The following LIMCH1 variants were observed in gnomAD, a reference collection of about 807,000 sequenced individuals.
LIMCH1 encodes the protein LIM and calponin homology domains-containing protein 1.
A neutral mutation model predicts 176.5 loss-of-function variants in LIMCH1; 113 were observed. The observed-to-expected ratio is 0.64, with a 90% CI of 0.55 to 0.75. The LOEUF (loss-of-function observed/expected upper bound fraction) is 0.75. Among genes scored for constraint, LIMCH1 ranks in the 30% least tolerant of loss-of-function variants. The pLI is 0.00. For missense variants in LIMCH1, 1,674 were observed against 1,814.9 expected, an observed-to-expected ratio of 0.92 and a Z score of 1.41; for synonymous variants, 619 against 645.9, an observed-to-expected ratio of 0.96 and a Z score of 0.63.
At chr4:41,483,950 T>C (rs977009317) in intron 1 of LIMCH1, among the ~76,000 whole-genome samples, 1 of 152,270 alleles carries the variant, frequency 6.6e-6, no homozygotes, top group Non-Finnish European at 1.5e-5. Context: ...CTCTGTTTTT[T>C]ACTAGTTTTG....
chr4:41,599,110 G>A (rs2089460668), intron 2 of LIMCH1, 84 bp downstream of exon 2: 7 of 790,278 alleles, frequency 8.9e-6, no homozygotes, highest in Non-Finnish European at 1.3e-5. Flanking sequence ...AGTTCTAAGA[G>A]ACAGAGAATT....
rs542886410 is a variant in LIMCH1 at position 41,620,571 on chromosome 4, C to G, written c.606C>G (p.Asp202Glu). ...GTGGTAAGGAGCACCCTTCTTCAGACGGGGCTGTGGTGGCACCAGCTCCCA... is the reference window on the plus strand; with the variant it reads ...GTGGTAAGGAGCACCCTTCTTCAGAGGGGGCTGTGGTGGCACCAGCTCCCA... ...DGSGKEHPSS[D>E]GAVVAPAPKS... The change falls in exon 7 of 32, where the codon GAC becomes GAG. Residue 202 changes from aspartate (D) to glutamate (E), a missense_variant. By Grantham distance (45) the Asp-to-Glu change is conservative. Around this residue, in one of 3 missense-constraint regions of LIMCH1, gnomAD observed 655 missense variants for 692.2 expected, o/e 0.95. Transcript: ENST00000503057. 3 of 1,536,150 alleles carry G rather than the reference C, an allele frequency of 2.0e-6. No individual in the cohort carries two copies. Among genetic ancestry groups the G allele is most frequent in the Admixed American group, 2.0e-5 (1 of 50,976 alleles).
intron 1 of LIMCH1, among the ~76,000 whole-genome samples, chr4:41,481,758 G>A (rs771263896): frequency 6.6e-6 from 1 of 152,078 alleles, no homozygotes; most frequent in Non-Finnish European, 1.5e-5. Context: ...TGGTAGTGCT[G>A]TTCATTGATA....
In LIMCH1 at chr4:41,556,615, G is replaced by A. The variant is rs73810260; in HGVS notation, c.-241+18265G>A. On this transcript the variant is annotated intron_variant, in intron 1 of 31. Coordinates refer to ENST00000503057, the MANE Select transcript of LIMCH1 (RefSeq NM_001330672.2). ...ATTATATTACGCCTCCCCATCTACA[G>A]TGGAGGAAACTGAGACTTAGATGAA... 9.1e-3 allele frequency among the ~76,000 whole-genome samples: 1,383 copies of A among 152,142 alleles called. 20 individuals carry two copies. Among genetic ancestry groups the A allele is most frequent in the African/African-American group, 0.03 (1,265 of 41,506 alleles).
intron 1 of LIMCH1, among the ~76,000 whole-genome samples, chr4:41,362,481 C>T (rs1313617675): frequency 6.6e-6 from 1 of 152,150 alleles, no homozygotes; most frequent in Non-Finnish European, 1.5e-5. Context: ...TTTTCAGGTT[C>T]TTGAACTCTA....
At chr4:41,578,490 A>G (rs564901735) in intron 1 of LIMCH1, among the ~76,000 whole-genome samples, 1 of 152,276 alleles carries the variant, frequency 6.6e-6, no homozygotes, top group South Asian at 2.1e-4. Flanking sequence ...TATAGAACCA[A>G]TTTACACCCT....
At chr4:41,634,413 T>C (rs1479924819) in intron 13 of LIMCH1, among the ~76,000 whole-genome samples, 1 of 152,092 alleles carries the variant, frequency 6.6e-6, no homozygotes, top group African/African-American at 2.4e-5. Context: ...GGCAAAGAAG[T>C]GAGGAGGGCT....
intron 1 of LIMCH1, among the ~76,000 whole-genome samples, chr4:41,571,502 G>T (rs2083556456): frequency 6.6e-6 from 1 of 152,080 alleles, no homozygotes; most frequent in African/African-American, 2.4e-5. Context: ...AGAATATGAA[G>T]AGAGAAGCAG....
chr4:41,460,478 A>ATATATATATC (rs1410622782), intron 1 of LIMCH1, among the ~76,000 whole-genome samples: 4 of 145,070 alleles, frequency 2.8e-5, no homozygotes, highest in African/African-American at 1.0e-4. Flanking sequence ...ATATATATAT[A>ATATATATATC]TCTTATAATA....
chr4:41,436,194 G>A (rs1025761408), intron 1 of LIMCH1, among the ~76,000 whole-genome samples: 5 of 152,188 alleles, frequency 3.3e-5, no homozygotes, highest in Non-Finnish European at 7.3e-5. Flanking sequence ...GGAGGTGATT[G>A]TGGTGGTGGT....
chr4:41,615,303 T>TG (rs1236515906), intron 5 of LIMCH1, among the ~76,000 whole-genome samples: 2 of 152,174 alleles, frequency 1.3e-5, no homozygotes, highest in Non-Finnish European at 2.9e-5. Flanking sequence ...TTACCAGCTT[T>TG]GGGGGGTTCA....
chr4:41,684,029 G>C (rs1234930576), intron 26 of LIMCH1, among the ~76,000 whole-genome samples: 2 of 152,136 alleles, frequency 1.3e-5, no homozygotes, highest in Admixed American at 6.5e-5. Flanking sequence ...TTTGCACACA[G>C]AAGCCACTGA....
At chr4:41,590,334 G>A (rs568675747) in intron 1 of LIMCH1, among the ~76,000 whole-genome samples, 38 of 152,070 alleles carry the variant, frequency 2.5e-4, no homozygotes, top group African/African-American at 8.7e-4. Context: ...CAGGTGATCT[G>A]CCTGCCTCCT....
chr4:41,561,743 T>C (rs1225695518), intron 1 of LIMCH1, among the ~76,000 whole-genome samples: 1 of 152,144 alleles, frequency 6.6e-6, no homozygotes, highest in Non-Finnish European at 1.5e-5. Flanking sequence ...ACTAAATTCC[T>C]ACTGGGAATT....
chr4:41,427,152 C>A (rs561148184), intron 1 of LIMCH1, among the ~76,000 whole-genome samples: 7 of 152,246 alleles, frequency 4.6e-5, no homozygotes, highest in Non-Finnish European at 7.4e-5. Flanking sequence ...ACATTTCTTG[C>A]AAAATTTGGA....
At chr4:41,634,031 T>C (rs2093459061) in intron 13 of LIMCH1, among the ~76,000 whole-genome samples, 1 of 152,236 alleles carries the variant, frequency 6.6e-6, no homozygotes, top group Non-Finnish European at 1.5e-5. Context: ...TTCTGACTCT[T>C]GTGGACTGAA....
At chr4:41,623,519 A>G (rs1264243675) in intron 7 of LIMCH1, among the ~76,000 whole-genome samples, 1 of 152,156 alleles carries the variant, frequency 6.6e-6, no homozygotes, top group East Asian at 1.9e-4. Context: ...GCACTTTGGC[A>G]GGCCGAGGCG....
At chr4:41,629,980 A>AT (rs751948375) in intron 9 of LIMCH1, among the ~76,000 whole-genome samples, 23 of 151,054 alleles carry the variant, frequency 1.5e-4, no homozygotes, top group South Asian at 1.0e-3. Flanking sequence ...TAATCTTTTG[A>AT]TTTTTTCTAG....
chr4:41,549,059 AT>A (rs1009802822), intron 1 of LIMCH1, among the ~76,000 whole-genome samples: 11 of 147,022 alleles, frequency 7.5e-5, no homozygotes, highest in African/African-American at 9.9e-5. Context: ...CCTACTGTTA[AT>A]TTTTTTTTTT....
Sources: gnomAD v4.1 joint callset for allele counts (sites outside exome capture counted in the v4.1 genomes callset) on GRCh38, gnomAD v4.1.1 for gene constraint, gnomAD v4.1.1 regional missense constraint, MANE v1.5 for transcripts, NCBI Gene and HGNC (gene_info 2026-07-23, HGNC 2026-07-21) for gene names.